The following RS1 variants were observed in gnomAD, a reference collection of about 807,000 sequenced individuals.
The protein encoded by RS1 is retinoschisin 1, also known as retinoschisin.
RS1 carries 2 observed loss-of-function variants against 20.8 expected under a neutral mutation model. The ratio of observed to expected loss-of-function variants is 0.10; its 90% confidence interval spans 0.04 to 0.30. The LOEUF is 0.30. RS1 is among the 10% of genes least tolerant of loss of function. The probability of loss-of-function intolerance (pLI) is 1.00; values close to 1 mark genes in which losing one functional copy is unlikely to be tolerated. For missense variants in RS1, 151 were observed against 189.8 expected (o/e 0.80, Z 1.20); for synonymous variants, 70 against 75.8 (o/e 0.92, Z 0.40).
At chrX:18,651,220 AGTGTGTGTGTGTGTGTGTGTGT>A (rs3838188) in intron 3 of RS1, among the ~76,000 whole-genome samples, 2 of 65,192 alleles carry the variant, frequency 3.1e-5, no homozygotes, top group Non-Finnish European at 5.6e-5. Context: ...GGCAGGAGCA[AGTGTGTGTGTGTGTGTGTGTGT>A]GTGTGTGTGT....
At chrX:18,644,395 C>T (rs773168630) in intron 5 of RS1, 35 bp downstream of exon 5, 4 of 1,183,035 alleles carry the variant, frequency 3.4e-6, no homozygotes, top group East Asian at 3.0e-5. Context: ...CCAGAGGGTG[C>T]GAGCTGAAGT....
At chrX:18,645,768 A>G (rs918577842) in intron 4 of RS1, among the ~76,000 whole-genome samples, 1 of 110,653 alleles carries the variant, frequency 9.0e-6, no homozygotes, top group Non-Finnish European at 1.9e-5. Context: ...AGAGTCTGCT[A>G]ATTATCACCC....
intron 1 of RS1, among the ~76,000 whole-genome samples, chrX:18,665,044 G>GTT (rs1928381973): frequency 8.9e-6 from 1 of 111,918 alleles, no homozygotes; most frequent in Non-Finnish European, 1.9e-5. Context: ...TATCTCCTGA[G>GTT]TGGCTTCGCC....
intron 1 of RS1, among the ~76,000 whole-genome samples, chrX:18,664,371 T>A (rs1236707117): frequency 1.8e-5 from 2 of 112,486 alleles, no homozygotes; most frequent in African/African-American, 6.5e-5. Context: ...CTCACGCCTG[T>A]AATCCCAGCA....
At position 18,661,783 on chromosome X, in the gene RS1, T is replaced by C. The variant is rs1010691052; in HGVS notation, c.53-4118A>G. ...ATCGTGCGCTCTTCCGCCGGCGCACTCCTCTCAACGCCTTCTGCACGTCCA... is the reference window on the plus strand; with the variant it reads ...ATCGTGCGCTCTTCCGCCGGCGCACCCCTCTCAACGCCTTCTGCACGTCCA... On this transcript the variant is annotated intron_variant, in intron 1 of 5. Transcript: ENST00000379984. Among the ~76,000 whole-genome samples the C allele has an allele frequency of 3.6e-5, 4 of 112,203 alleles. No individual in the cohort carries two copies. In the East Asian group the frequency reaches 8.4e-4, roughly 24 times the overall value.
chrX:18,650,554 G>C (rs760568446), intron 3 of RS1: 4 of 1,210,751 alleles, frequency 3.3e-6, no homozygotes, highest in Non-Finnish European at 4.5e-6. Flanking sequence ...CTCCAGGTCC[G>C]AGGCACTGAT....
Position 18,646,059 on chromosome X carries a change from A to T in RS1, c.326+1132T>A, listed in dbSNP as rs752464218. Reference sequence around the variant, plus strand: ...GACACCATTCTGGACCCCAAGATAGACGCTTCATGTTAAGGACGACAGAAC... The same window carrying T: ...GACACCATTCTGGACCCCAAGATAGTCGCTTCATGTTAAGGACGACAGAAC... On this transcript the variant is annotated intron_variant, in intron 4 of 5. Coordinates refer to ENST00000379984, the MANE Select transcript of RS1 (RefSeq NM_000330.4). 3.3e-6 allele frequency: 4 copies of T among 1,211,899 alleles called. No homozygotes were observed. In the Admixed American group the frequency reaches 8.7e-5, roughly 26 times the overall value.
At chrX:18,651,436 C>T (rs1928044619) in intron 3 of RS1, among the ~76,000 whole-genome samples, 1 of 111,218 alleles carries the variant, frequency 9.0e-6, no homozygotes, top group Non-Finnish European at 1.9e-5. Flanking sequence ...GCTAAAGTAG[C>T]AGGGATGTGG....
intron 1 of RS1, among the ~76,000 whole-genome samples, chrX:18,666,661 G>A (rs1928409101): frequency 9.0e-6 from 1 of 111,670 alleles, no homozygotes; most frequent in Non-Finnish European, 1.9e-5. Context: ...GTTCCGAGGT[G>A]AGTGCAGTCA....
At position 18,641,893 on chromosome X, in the gene RS1, AC is replaced by A. The variant is rs1199367063; in HGVS notation, c.*110del. The A allele has an allele frequency of 1.2e-6, 1 of 838,851 alleles. No homozygotes were observed. The highest frequency in any genetic ancestry group is 2.3e-5 in the Admixed American group (1 of 43,609). The allele number at this position is 838,851 out of a possible 1,213,427, so 69.1% of individuals were successfully genotyped here. Reference sequence around the variant, plus strand: ...AAATTATCTACCCAGCACTGCAGTTACAATTGCTTTGCGAAATATAGCCCTG... The same window carrying A: ...AAATTATCTACCCAGCACTGCAGTTAAATTGCTTTGCGAAATATAGCCCTG... On this transcript the variant is annotated 3_prime_UTR_variant, in exon 6 of 6. Transcript: ENST00000379984.
At chrX:18,669,285 G>A (rs1189946542) in intron 1 of RS1, among the ~76,000 whole-genome samples, 1 of 109,664 alleles carries the variant, frequency 9.1e-6, no homozygotes, top group Non-Finnish European at 1.9e-5. Context: ...GAGGTCGGGA[G>A]TTCGAGACCA....
chrX:18,650,285 G>T, intron 3 of RS1: 2 of 610,563 alleles, frequency 3.3e-6, no homozygotes, highest in Non-Finnish European at 5.5e-6. Context: ...AGACGTGGAT[G>T]CTGTACTTAC....
chrX:18,649,756 G>A (rs763830451), intron 3 of RS1, among the ~76,000 whole-genome samples: 6 of 112,192 alleles, frequency 5.3e-5, no homozygotes, highest in Non-Finnish European at 7.5e-5. Context: ...TTCTTTCTGT[G>A]GGCTGGGGAT....
rs775808084 is a variant in RS1, at chrX:18,653,560, G to C, written c.184+3093C>G. 3.3e-6 allele frequency: 4 copies of C among 1,208,574 alleles called. No homozygotes were observed. The South Asian group carries it at 7.1e-5, about 21-fold the overall frequency. On this transcript the variant is annotated intron_variant, in intron 3 of 5. Transcript: ENST00000379984. ...GGGCAAGTGACTTCTGCAAGCCTGC[G>C]GCTGGTCCCAATGCCCTGAATCACC...
intron 1 of RS1, among the ~76,000 whole-genome samples, chrX:18,669,361 C>T (rs774867069): frequency 9.3e-6 from 1 of 108,024 alleles, no homozygotes; most frequent in African/African-American, 3.4e-5. Context: ...CGTGGTGGCA[C>T]ACGTCTGTAA....
chrX:18,654,164 T>C (rs1229394555), intron 3 of RS1, among the ~76,000 whole-genome samples: 26 of 105,806 alleles, frequency 2.5e-4, no homozygotes, highest in African/African-American at 8.6e-4. Context: ...TTTTTTTTTT[T>C]TGGTGGGGGG....
chrX:18,671,219 A>C (rs1271583472), intron 1 of RS1, among the ~76,000 whole-genome samples: 3 of 111,980 alleles, frequency 2.7e-5, no homozygotes, highest in Non-Finnish European at 3.8e-5. Flanking sequence ...TATTTTCTAT[A>C]ACACACAAAT....
At chrX:18,659,572 C>T (rs1602321168) in intron 1 of RS1, among the ~76,000 whole-genome samples, 1 of 111,479 alleles carries the variant, frequency 9.0e-6, no homozygotes, top group Non-Finnish European at 1.9e-5. Context: ...TAGTGGCTAC[C>T]GTACTGGCTA....
chrX:18,654,869 GC>G (rs1247109282), intron 3 of RS1, among the ~76,000 whole-genome samples: 1 of 111,856 alleles, frequency 8.9e-6, no homozygotes, highest in Non-Finnish European at 1.9e-5. Context: ...ATTGCAATTT[GC>G]TTTTTTAATG....
Sources: gnomAD v4.1 joint callset for allele counts (sites outside exome capture counted in the v4.1 genomes callset) on GRCh38, gnomAD v4.1.1 for gene constraint, MANE v1.5 for transcripts, NCBI Gene and HGNC (gene_info 2026-07-23, HGNC 2026-07-21) for gene names.